Variants in PCDH15 observed in about 807,000 individuals in gnomAD.
PCDH15 encodes the protein protocadherin related 15.
In PCDH15, 129 loss-of-function variants were observed where a neutral mutation model predicts 178.5. The ratio of observed to expected loss-of-function variants is 0.72; its 90% CI spans 0.63 to 0.84. The LOEUF is 0.84. Among genes scored for constraint, PCDH15 ranks in the 40% least tolerant of loss-of-function variants. PCDH15 has a pLI of 0.00. For synonymous variants in PCDH15, 800 were observed against 732.0 expected, an observed-to-expected ratio of 1.09 and a Z score of -1.50; for missense variants, 2,230 against 2,099.9, an observed-to-expected ratio of 1.06 and a Z score of -1.21.
chr10:54,474,903 A>G (rs1048655300), intron 3 of PCDH15, among the ~76,000 whole-genome samples: 12 of 151,996 alleles, frequency 7.9e-5, no homozygotes, highest in African/African-American at 2.9e-4. Context: ...ACATAAAACA[A>G]TTTCTTAAAA....
chr10:55,531,286 A>T (rs186271343), intron 2 of PCDH15, among the ~76,000 whole-genome samples: 45 of 152,108 alleles, frequency 3.0e-4, no homozygotes, highest in Admixed American at 1.4e-3. Context: ...TAGACTGAGG[A>T]CACATTATGA....
chr10:54,169,842 C>T (rs967911792), intron 13 of PCDH15, among the ~76,000 whole-genome samples: 3 of 151,966 alleles, frequency 2.0e-5, no homozygotes, highest in Admixed American at 1.3e-4. Context: ...TTACAATTCC[C>T]CCATTTCACC....
chr10:55,377,427 T>C (rs1837425093), intron 2 of PCDH15, among the ~76,000 whole-genome samples: 1 of 151,890 alleles, frequency 6.6e-6, no homozygotes. Context: ...GTATTCCTGG[T>C]TTATTTAAAA....
intron 36 of PCDH15, among the ~76,000 whole-genome samples, chr10:53,811,080 A>G (rs989596929): frequency 2.0e-5 from 3 of 152,152 alleles, no homozygotes; most frequent in Non-Finnish European, 4.4e-5. Flanking sequence ...GGTTTTCACA[A>G]TTTCTTCAGT....
chr10:55,063,093 G>C (rs1008667605), intron 2 of PCDH15, among the ~76,000 whole-genome samples: 1 of 151,980 alleles, frequency 6.6e-6, no homozygotes, highest in Non-Finnish European at 1.5e-5. Context: ...GGGAACATTT[G>C]GTAAATTGTC....
At chr10:54,698,029 A>ATAAGT (rs1230185641) in intron 1 of PCDH15, among the ~76,000 whole-genome samples, 5 of 152,056 alleles carry the variant, frequency 3.3e-5, no homozygotes, top group Non-Finnish European at 5.9e-5. Flanking sequence ...GGTGGTATTT[A>ATAAGT]TAAGTAATGA....
At chr10:54,878,905 T>C (rs1260989647) in intron 3 of PCDH15, among the ~76,000 whole-genome samples, 1 of 152,156 alleles carries the variant, frequency 6.6e-6, no homozygotes, top group Non-Finnish European at 1.5e-5. Flanking sequence ...CTCACTTATA[T>C]GTGAGATCAT....
chr10:54,952,655 A>G lies in PCDH15; in HGVS notation c.-79-55155T>C, dbSNP rs189369624. 3.9e-3 allele frequency among the ~76,000 whole-genome samples: 590 copies of G among 151,896 alleles called. 3 individuals are homozygous for G. The highest frequency in any genetic ancestry group is 0.014 in the African/African-American group (572 of 41,534). On this transcript the variant is annotated intron_variant, in intron 2 of 5. Transcript: ENST00000458638. ...AGAATATCTTTCCGTTTATTTAGATATATCTGATGCACTTTATCAGAATTT... is the reference window on the plus strand; with the variant it reads ...AGAATATCTTTCCGTTTATTTAGATGTATCTGATGCACTTTATCAGAATTT...
chr10:53,995,696 T>A lies in PCDH15; in HGVS notation c.2821A>T (p.Lys941Ter). 1 of 1,613,952 alleles carries A rather than the reference T, an allele frequency of 6.2e-7. No homozygotes were observed. The highest frequency in any genetic ancestry group is 8.5e-7 in the Non-Finnish European group (1 of 1,179,840). The change falls in exon 21 of 38, where the codon AAG (lysine) becomes TAG (stop). Residue 941 changes from lysine to a stop codon, truncating the protein, a stop_gained. Coordinates refer to ENST00000644397, the MANE Select transcript of PCDH15 (RefSeq NM_001384140.1). LOFTEE classifies it high-confidence loss of function. ...TAAACTGTTGTGATAGGTGTACCCT[T>A]GACTGCATCCGGAGCCACCATCCCT... Reference protein sequence around the residue: ...YKGMVAPDAVKGTPITTVYAE... With the variant: ...YKGMVAPDAV
chr10:55,146,476 G>A (rs919927050), intron 2 of PCDH15, among the ~76,000 whole-genome samples: 2 of 151,894 alleles, frequency 1.3e-5, no homozygotes, highest in East Asian at 1.9e-4. Flanking sequence ...GGCAGCCTAC[G>A]CTTAGTTGTC....
rs529103333 is a variant in PCDH15, at chr10:55,471,877, G to T, written c.-156+155748C>A. 2.1e-3 allele frequency among the ~76,000 whole-genome samples: 321 copies of T among 152,126 alleles called. 3 individuals are homozygous for T. Among genetic ancestry groups the T allele is most frequent in the Non-Finnish European group, 3.7e-3 (253 of 67,994 alleles). On this transcript the variant is annotated intron_variant, in intron 2 of 5. Coordinates refer to the PCDH15 transcript ENST00000613346. Reference sequence around the variant, plus strand: ...CAGGACTATTTTTGCTGTAACCTGGGGATCTTGCCCATTTCAAATGAGCCA... The same window carrying T: ...CAGGACTATTTTTGCTGTAACCTGGTGATCTTGCCCATTTCAAATGAGCCA...
chr10:54,708,701 C>G (rs1166432493), intron 1 of PCDH15, among the ~76,000 whole-genome samples: 1 of 151,986 alleles, frequency 6.6e-6, no homozygotes, highest in Non-Finnish European at 1.5e-5. Context: ...TAGGCCTAAA[C>G]TGAACTATTT....
At chr10:54,308,296 C>A (rs908817319) in intron 8 of PCDH15, among the ~76,000 whole-genome samples, 10 of 152,094 alleles carry the variant, frequency 6.6e-5, no homozygotes, top group African/African-American at 2.4e-4. Flanking sequence ...AAAAAAATAG[C>A]TCAAAGGTTA....
intron 2 of PCDH15, among the ~76,000 whole-genome samples, chr10:54,630,676 GC>G (rs1248152327): frequency 6.6e-6 from 1 of 152,088 alleles, no homozygotes; most frequent in African/African-American, 2.4e-5. Flanking sequence ...ACCCTAAAGA[GC>G]TTCTGTACCT....
intron 2 of PCDH15, among the ~76,000 whole-genome samples, chr10:55,418,109 T>A (rs1010840403): frequency 2.0e-5 from 3 of 151,612 alleles, no homozygotes; most frequent in Non-Finnish European, 4.4e-5. Flanking sequence ...CAAAAGGAAA[T>A]GTAATCATAG....
rs376627823 is a variant in PCDH15, at chr10:54,501,088, G to C, written c.157+26724C>G. Among the ~76,000 whole-genome samples, 5 of 152,122 alleles carry C rather than the reference G, an allele frequency of 3.3e-5. No individual in the cohort carries two copies. The East Asian group carries it at 7.8e-4, about 24-fold the overall frequency. ...GAACATCACACAATGGGGCCTGTCA[G>C]GGGGTGGGAGGCAAGGGAAGGGATA... On this transcript the variant is annotated intron_variant, in intron 3 of 37. Coordinates refer to ENST00000644397, the MANE Select transcript of PCDH15 (RefSeq NM_001384140.1).
chr10:55,420,721 A>G (rs1262860900), intron 2 of PCDH15, among the ~76,000 whole-genome samples: 1 of 151,690 alleles, frequency 6.6e-6, no homozygotes, highest in Non-Finnish European at 1.5e-5. Context: ...AATAAAATGT[A>G]TCAAATGTAA....
intron 15 of PCDH15, among the ~76,000 whole-genome samples, chr10:54,123,949 G>C (rs765183088): frequency 6.6e-6 from 1 of 152,004 alleles, no homozygotes; most frequent in Admixed American, 6.6e-5. Context: ...GAACTAAATG[G>C]TGCATACATG....
At chr10:54,747,166 T>C (rs1462817421) in intron 1 of PCDH15, among the ~76,000 whole-genome samples, 1 of 152,198 alleles carries the variant, frequency 6.6e-6, no homozygotes, top group Admixed American at 6.5e-5. Context: ...AAAACCATCA[T>C]TGTTTTTACA....
Sources: gnomAD v4.1 joint callset for allele counts (sites outside exome capture counted in the v4.1 genomes callset) on GRCh38, gnomAD v4.1.1 for gene constraint, MANE v1.5 for transcripts, NCBI Gene and HGNC (gene_info 2026-07-23, HGNC 2026-07-21) for gene names.